The following NRXN3 variants were observed in gnomAD, a reference collection of about 807,000 sequenced individuals.
NRXN3 encodes neurexin III.
In NRXN3, 32 loss-of-function variants were observed where a neutral mutation model predicts 137.6. The observed-to-expected ratio is 0.23, with a 90% CI of 0.18 to 0.31. NRXN3 has a LOEUF of 0.31. NRXN3 is among the 10% of genes least tolerant of loss of function. The probability of loss-of-function intolerance (pLI) is 1.00; values close to 1 mark genes in which losing one functional copy is unlikely to be tolerated. For synonymous variants in NRXN3, 798 were observed against 784.5 expected (o/e 1.02, Z -0.29); for missense variants, 1,574 against 2,062.5 (o/e 0.76, Z 4.59).
chr14:79,435,623 C>CACACAT (rs1022452131), intron 15 of NRXN3, among the ~76,000 whole-genome samples: 2 of 150,924 alleles, frequency 1.3e-5, no homozygotes, highest in Admixed American at 1.3e-4. Flanking sequence ...CACACACACA[C>CACACAT]ACACACATAC....
rs79847694 is a variant in NRXN3, at chr14:79,748,188, G to C, written c.4014+50251G>C. Reference sequence around the variant, plus strand: ...CTTCACGTCCTGCACATGTAGCCTGGAACTTAAAATTAAATTAAGTCAAAA... The same window carrying C: ...CTTCACGTCCTGCACATGTAGCCTGCAACTTAAAATTAAATTAAGTCAAAA... On this transcript the variant is annotated intron_variant, in intron 19 of 20. Coordinates refer to ENST00000335750, the MANE Select transcript of NRXN3 (RefSeq NM_001330195.2). 2.3e-3 allele frequency among the ~76,000 whole-genome samples: 348 copies of C among 151,424 alleles called. 12 individuals carry two copies. In the East Asian group the frequency reaches 0.045, roughly 19 times the overall value.
intron 4 of NRXN3, among the ~76,000 whole-genome samples, chr14:78,319,645 C>T (rs555248773): frequency 5.3e-5 from 8 of 152,274 alleles, no homozygotes; most frequent in Admixed American, 1.3e-4. Context: ...CTCCCAACAG[C>T]GATGACAATA....
intron 6 of NRXN3, among the ~76,000 whole-genome samples, chr14:78,663,742 G>A (rs1200475090): frequency 6.6e-6 from 1 of 151,724 alleles, no homozygotes; most frequent in Admixed American, 6.6e-5. Context: ...TAAATTCAGT[G>A]GAACTCATTG....
At chr14:79,684,665 C>T (rs925292241) in intron 17 of NRXN3, among the ~76,000 whole-genome samples, 1 of 152,130 alleles carries the variant, frequency 6.6e-6, no homozygotes, top group Non-Finnish European at 1.5e-5. Context: ...CCTCCCTGTC[C>T]TCTGAGCTGT....
intron 4 of NRXN3, among the ~76,000 whole-genome samples, chr14:78,397,330 C>T (rs2091565181): frequency 1.3e-5 from 2 of 151,238 alleles, no homozygotes; most frequent in African/African-American, 2.4e-5. Context: ...GTCCACAGAC[C>T]CTGTGGCTCC....
chr14:79,823,090 A>G (rs73334300), intron 20 of NRXN3, among the ~76,000 whole-genome samples: 5,467 of 152,286 alleles, frequency 0.036, 318 homozygotes, highest in African/African-American at 0.12. Flanking sequence ...AAAGTCAAAT[A>G]TTATAGTCCC....
At chr14:79,203,706 C>T (rs571263401) in intron 15 of NRXN3, among the ~76,000 whole-genome samples, 1 of 152,178 alleles carries the variant, frequency 6.6e-6, no homozygotes, top group Non-Finnish European at 1.5e-5. Flanking sequence ...AACTTAATTT[C>T]TGAGCTTCAG....
chr14:78,199,869 T>A (rs576856288), intron 1 of NRXN3, among the ~76,000 whole-genome samples: 1 of 152,324 alleles, frequency 6.6e-6, no homozygotes, highest in African/African-American at 2.4e-5. Flanking sequence ...AGGGAGGAAC[T>A]CCATACATTA....
At chr14:79,854,258 T>A in intron 20 of NRXN3, 1 of 529,386 alleles carries the variant, frequency 1.9e-6, no homozygotes, top group Non-Finnish European at 2.4e-6. Flanking sequence ...TTTTTTAGTT[T>A]AAATTATTTT....
intron 15 of NRXN3, among the ~76,000 whole-genome samples, chr14:79,338,218 AGTGT>A (rs56816357): frequency 0.056 from 7,907 of 140,854 alleles, 463 homozygotes; most frequent in African/African-American, 0.15. Flanking sequence ...TGTGTATGTG[AGTGT>A]GTGTGTGTGT....
chr14:78,647,126 G>A (rs1351332367), intron 5 of NRXN3, among the ~76,000 whole-genome samples: 3 of 152,166 alleles, frequency 2.0e-5, no homozygotes, highest in Non-Finnish European at 4.4e-5. Context: ...ATTCTCCTGT[G>A]AAAGGCTCAC....
Position 78,771,790 on chromosome 14 carries a change from G to C in NRXN3, c.2045-31830G>C, listed in dbSNP as rs2098728939. On this transcript the variant is annotated intron_variant, in intron 8 of 20. Coordinates refer to ENST00000335750, the MANE Select transcript of NRXN3 (RefSeq NM_001330195.2). ...TACCAATTTGCCTTATTTGCAAAGA[G>C]ACAGCTGTGCCCAGGCCTTTAGAAA... Among the ~76,000 whole-genome samples, 2 of 152,188 alleles carry C rather than the reference G, an allele frequency of 1.3e-5. 1 individual carries two copies. Among genetic ancestry groups the C allele is most frequent in the South Asian group, 4.1e-4 (2 of 4,828 alleles).
intron 20 of NRXN3, among the ~76,000 whole-genome samples, chr14:79,849,493 T>G (rs1335614126): frequency 6.6e-6 from 1 of 152,168 alleles, no homozygotes. Flanking sequence ...GGCCAACATG[T>G]ATGTGAAAAG....
At chr14:79,252,361 C>G (rs1449121800) in intron 15 of NRXN3, among the ~76,000 whole-genome samples, 1 of 152,168 alleles carries the variant, frequency 6.6e-6, no homozygotes, top group East Asian at 1.9e-4. Context: ...GTTTTTCACC[C>G]TATTTATGTC....
chr14:79,175,199 C>T (rs958072281), intron 15 of NRXN3, among the ~76,000 whole-genome samples: 8 of 152,236 alleles, frequency 5.3e-5, no homozygotes, highest in African/African-American at 1.7e-4. Flanking sequence ...CCAGGATGCT[C>T]TCGATCTCCT....
chr14:79,565,261 A>ACG (rs2097536795), intron 16 of NRXN3, among the ~76,000 whole-genome samples: 2 of 1,322 alleles, frequency 1.5e-3, no homozygotes, highest in African/African-American at 5.7e-3. Context: ...ATATACATAT[A>ACG]CACATGTGTG....
At chr14:79,016,779 G>A (rs2099579959) in intron 15 of NRXN3, among the ~76,000 whole-genome samples, 1 of 152,070 alleles carries the variant, frequency 6.6e-6, no homozygotes, top group Non-Finnish European at 1.5e-5. Context: ...CTTCTTACTC[G>A]CCAAGCTCTC....
chr14:78,374,601 T>C (rs1253824612), intron 4 of NRXN3, among the ~76,000 whole-genome samples: 1 of 151,948 alleles, frequency 6.6e-6, no homozygotes, highest in Non-Finnish European at 1.5e-5. Context: ...TGAAACCCCA[T>C]CTCTACTAAA....
intron 19 of NRXN3, among the ~76,000 whole-genome samples, chr14:79,745,292 A>G (rs2098976243): frequency 6.6e-6 from 1 of 152,088 alleles, no homozygotes; most frequent in Non-Finnish European, 1.5e-5. Context: ...GCTGTTCTAG[A>G]TGCCAGATCC....
Sources: allele counts gnomAD v4.1 joint callset (sites outside exome capture counted in the v4.1 genomes callset), GRCh38; gene constraint gnomAD v4.1.1; transcripts MANE v1.5; gene names NCBI Gene and HGNC (gene_info 2026-07-23, HGNC 2026-07-21).